KCNT1: variants seen among roughly 807,000 people sequenced by gnomAD.
KCNT1 encodes potassium sodium-activated channel subfamily T member 1, also known as potassium channel subfamily T member 1.
In KCNT1, 78 loss-of-function variants were observed where a neutral mutation model predicts 147.8. The observed-to-expected ratio is 0.53, with a 90% CI of 0.44 to 0.64. KCNT1 has a LOEUF of 0.64. KCNT1 is among the 30% of genes least tolerant of loss of function. KCNT1 has a pLI of 0.00. For missense variants in KCNT1, 1,419 were observed against 1,750.3 expected, an observed-to-expected ratio of 0.81 and a Z score of 3.38; for synonymous variants, 867 against 748.8, an observed-to-expected ratio of 1.16 and a Z score of -2.58.
chr9:135,762,179 C>G (rs1259715396), intron 11 of KCNT1, among the ~76,000 whole-genome samples: 1 of 152,222 alleles, frequency 6.6e-6, no homozygotes, highest in South Asian at 2.1e-4. Flanking sequence ...GCGCAGGGCT[C>G]ATGCCTGTAA....
intron 25 of KCNT1, among the ~76,000 whole-genome samples, 154 bp downstream of exon 25, chr9:135,784,279 C>G (rs56167910): frequency 6.6e-6 from 1 of 152,168 alleles, no homozygotes; most frequent in Non-Finnish European, 1.5e-5. Context: ...GTCCTTGCCC[C>G]AGGGATTTCT....
At chr9:135,786,065 A>G (rs1231233795) in intron 28 of KCNT1, 132 bp from the exon 29 acceptor site, 2 of 749,936 alleles carry the variant, frequency 2.7e-6, no homozygotes, top group East Asian at 2.7e-5. Flanking sequence ...CCTCTTCCCT[A>G]ACACCCCCAG....
chr9:135,758,941 G>A (rs75032602), intron 10 of KCNT1, among the ~76,000 whole-genome samples: 4 of 152,208 alleles, frequency 2.6e-5, no homozygotes, highest in Admixed American at 6.5e-5. Flanking sequence ...CTGTGTCCTC[G>A]TGGAGGGCTC....
At chr9:135,771,160 A>G in intron 18 of KCNT1, 65 bp downstream of exon 18, 2 of 1,438,574 alleles carry the variant, frequency 1.4e-6, no homozygotes, top group Non-Finnish European at 1.9e-6. Context: ...CAGGCGGGAC[A>G]CCGGCAGGTG....
At chr9:135,747,331 G>A (rs1830884849) in intron 2 of KCNT1, among the ~76,000 whole-genome samples, 1 of 151,954 alleles carries the variant, frequency 6.6e-6, no homozygotes, top group African/African-American at 2.4e-5. Context: ...ATGGAGGGCG[G>A]GACAGTGGTA....
Position 135,765,094 on chromosome 9 carries a change from C to T in KCNT1, c.1099C>T (p.Arg367Cys), listed in dbSNP as rs780633460. Residue 367 changes from arginine to cysteine, a missense_variant, in exon 12 of 31, where the codon CGT becomes TGT. Arg to Cys is a radical substitution (Grantham distance 180). Coordinates refer to ENST00000371757, the MANE Select transcript of KCNT1 (RefSeq NM_020822.3). Reference protein sequence around the residue: ...QKSGGNYSRHRAQTEKHVVLC... With the variant: ...QKSGGNYSRHCAQTEKHVVLC... ...GTCAGGGGGCAACTACAGCCGCCAC[C>T]GTGCGCAGACGGAGAAGCACGTGGT... The T allele has an allele frequency of 1.9e-6, 3 of 1,613,448 alleles. No homozygotes were observed. The highest frequency in any genetic ancestry group is 2.2e-5 in the East Asian group (1 of 44,872).
Position 135,734,713 on chromosome 9 carries a change from G to A in KCNT1, c.255-15385G>A, listed in dbSNP as rs374699847. The stretch of plus-strand genomic sequence containing the variant: ...CATGGAGCAGCCGCCCCGGGTGGGC[G>A]CGCGCGTTTGCCTCCTGCGTGAGGC... On this transcript the variant is annotated intron_variant, in intron 2 of 30. Transcript: ENST00000371757. Among the ~76,000 whole-genome samples the A allele has an allele frequency of 3.2e-4, 49 of 152,306 alleles. No homozygotes were observed. The East Asian group carries it at 5.2e-3, about 16-fold the overall frequency.
intron 2 of KCNT1, among the ~76,000 whole-genome samples, chr9:135,726,664 C>T (rs1836155033): frequency 6.6e-6 from 1 of 151,642 alleles, no homozygotes; most frequent in Non-Finnish European, 1.5e-5. Context: ...TCTCTCCCTC[C>T]CTCTATCTCT....
At chr9:135,775,476 C>T (rs1171676629) in intron 20 of KCNT1, 61 bp downstream of exon 20, 3 of 1,238,844 alleles carry the variant, frequency 2.4e-6, no homozygotes, top group East Asian at 2.5e-5. Flanking sequence ...GCCGTGCATA[C>T]CTGCCCTGGT....
rs530820593 is a variant in KCNT1 at position 135,785,506 on chromosome 9, G to A, written c.3177+176G>A. 8 of 787,492 alleles carry A rather than the reference G, an allele frequency of 1.0e-5. No homozygotes were observed. In the African/African-American group the frequency reaches 1.2e-4, roughly 12 times the overall value. 48.8% of individuals were successfully genotyped at this position (787,492 alleles called of 1,614,324 possible). On this transcript the variant is annotated intron_variant, in intron 28 of 30. Transcript: ENST00000371757. ...CCAGCACGGCTCAGAGAAGGCTGTT[G>A]ACACTCACTCCCTCCTGCACTGGTG...
At chr9:135,738,838 C>T (rs928217516) in intron 2 of KCNT1, among the ~76,000 whole-genome samples, 7 of 152,152 alleles carry the variant, frequency 4.6e-5, no homozygotes, top group African/African-American at 1.4e-4. Flanking sequence ...CTTCTCACTC[C>T]CCTGTGTGAG....
At chr9:135,743,368 G>A (rs2131387724) in intron 2 of KCNT1, among the ~76,000 whole-genome samples, 1 of 152,324 alleles carries the variant, frequency 6.6e-6, no homozygotes, top group East Asian at 1.9e-4. Flanking sequence ...TCCACCTTCA[G>A]CGCGGTCTCC....
In KCNT1 at chr9:135,714,091, A is replaced by G. The variant is rs1404041216; in HGVS notation, c.111-486A>G. 4.6e-5 allele frequency among the ~76,000 whole-genome samples: 7 copies of G among 151,836 alleles called. No individual in the cohort carries two copies. Among genetic ancestry groups the G allele is most frequent in the Non-Finnish European group, 1.0e-4 (7 of 67,954 alleles). The stretch of plus-strand genomic sequence containing the variant: ...CCCCTCAACAGCCTGAGGGTCTGAG[A>G]CGGGGGTCTCTGGGGCTGGACCCTG... On this transcript the variant is annotated intron_variant, in intron 1 of 30. Transcript: ENST00000371757. This position sits in a 1 kb window ranked among gnomAD's most constrained non-coding sequence, Gnocchi z 6.2.
intron 26 of KCNT1, 57 bp from the exon 27 acceptor site, chr9:135,784,704 C>T (rs1230715957): frequency 9.3e-6 from 15 of 1,608,652 alleles, no homozygotes; most frequent in South Asian, 1.1e-5. Flanking sequence ...TCACGGTGGC[C>T]AGGAGGCTCT....
intron 2 of KCNT1, among the ~76,000 whole-genome samples, chr9:135,747,681 C>A (rs571512862): frequency 1.3e-5 from 2 of 152,250 alleles, no homozygotes; most frequent in Admixed American, 1.3e-4. Flanking sequence ...AGGGACACAG[C>A]AGAGCTGGCT....
In KCNT1 at chr9:135,709,711, C is replaced by T. The variant is rs567409720; in HGVS notation, c.111-4866C>T. 1.1e-4 allele frequency among the ~76,000 whole-genome samples: 16 copies of T among 152,080 alleles called. No individual in the cohort carries two copies. In the East Asian group the frequency reaches 3.1e-3, roughly 30 times the overall value. On this transcript the variant is annotated intron_variant, in intron 1 of 30. Coordinates refer to ENST00000371757, the MANE Select transcript of KCNT1 (RefSeq NM_020822.3). ...CGTTTTCTTTTTTGAGATGGAGTCTCGCTCTGTCACCCAGGCTGGAGTGCA... is the reference window on the plus strand; with the variant it reads ...CGTTTTCTTTTTTGAGATGGAGTCTTGCTCTGTCACCCAGGCTGGAGTGCA...
intron 18 of KCNT1, chr9:135,771,309 C>T (rs771146702): frequency 2.0e-4 from 123 of 606,668 alleles, no homozygotes; most frequent in Admixed American, 3.2e-4. Flanking sequence ...GAGACCAGAC[C>T]GGGCAGGGCA....
Position 135,770,864 on chromosome 9 carries a change from G to GTGCCTCTGCCCAGGTATGGCA in KCNT1, c.1779_1780insCCTCTGCCCAGGTATGGCATG (p.Val593_Cys594insProLeuProArgTyrGlyMet). 6.4e-7 allele frequency: 1 copy of GTGCCTCTGCCCAGGTATGGCA among 1,570,132 alleles called. No homozygotes were observed. Among genetic ancestry groups the GTGCCTCTGCCCAGGTATGGCA allele is most frequent in the Non-Finnish European group, 8.6e-7 (1 of 1,156,620 alleles). On this transcript the variant is annotated inframe_insertion, in exon 18 of 31. Coordinates refer to ENST00000371757, the MANE Select transcript of KCNT1 (RefSeq NM_020822.3). ...GCCGGTGCCTCTGCCCAGGTATGGC[G>GTGCCTCTGCCCAGGTATGGCA]TGTGCCTCATCGGGCTGAAGCGGGA...
intron 24 of KCNT1, among the ~76,000 whole-genome samples, chr9:135,780,259 C>T (rs78513664): frequency 0.18 from 27,954 of 152,224 alleles, 4,075 homozygotes; most frequent in African/African-American, 0.4. Flanking sequence ...AGCAGCAATG[C>T]TGTCTGCTCT....
Sources: allele counts gnomAD v4.1 joint callset (sites outside exome capture counted in the v4.1 genomes callset), GRCh38; gene constraint gnomAD v4.1.1; non-coding constraint Gnocchi (gnomAD v3.1); transcripts MANE v1.5; gene names NCBI Gene and HGNC (gene_info 2026-07-23, HGNC 2026-07-21).